Variants in CACNA1E observed in about 807,000 individuals in gnomAD.
CACNA1E encodes calcium voltage-gated channel subunit alpha1 E.
A neutral mutation model predicts 259.2 loss-of-function variants in CACNA1E; 40 were observed. The observed-to-expected ratio is 0.15, with a 90% CI of 0.12 to 0.20. The LOEUF (loss-of-function observed/expected upper bound fraction) is 0.20, where lower values mean the gene tolerates loss of function less well. Among genes scored for constraint, CACNA1E ranks in the 10% least tolerant of loss-of-function variants. CACNA1E has a pLI of 1.00. For missense variants in CACNA1E, 1,874 were observed against 3,040.1 expected (o/e 0.62, Z 9.02); for synonymous variants, 1,104 against 1,138.5 (o/e 0.97, Z 0.61).
intron 2 of CACNA1E, among the ~76,000 whole-genome samples, chr1:181,419,391 C>G (rs913621895): frequency 2.6e-5 from 4 of 152,182 alleles, no homozygotes; most frequent in African/African-American, 9.7e-5. Context: ...GAATGCTTTT[C>G]CCATTTATCA....
At chr1:181,377,688 T>C (rs1655194464) in intron 1 of CACNA1E, among the ~76,000 whole-genome samples, 1 of 152,244 alleles carries the variant, frequency 6.6e-6, no homozygotes, top group Non-Finnish European at 1.5e-5. Flanking sequence ...CAGGTACTGT[T>C]CTATGCACTT....
rs1157083997 is a variant in CACNA1E, at chr1:181,806,320, T to C, written c.*7486T>C. 6.6e-6 allele frequency: 1 copy of C among 152,182 alleles called. No homozygotes were observed. The highest frequency in any genetic ancestry group is 1.9e-4 in the East Asian group (1 of 5,186). 9.4% of individuals were successfully genotyped at this position (152,182 alleles called of 1,614,324 possible). A position where few individuals can be genotyped will look rare whatever the true frequency, so the allele number is the denominator to read the frequency against. On this transcript the variant is annotated 3_prime_UTR_variant, in exon 48 of 48. Transcript: ENST00000367573. ...CCGGTTCTAGCCTCAAATAACAACA[T>C]TGCAAGGAGGTGGACTACAGGGTCC...
At chr1:181,400,382 G>A (rs1043715839) in intron 1 of CACNA1E, among the ~76,000 whole-genome samples, 1 of 152,070 alleles carries the variant, frequency 6.6e-6, no homozygotes. Context: ...AGTTTATGTG[G>A]CCTGACGTTG....
At chr1:181,540,684 G>A (rs1171969108) in intron 3 of CACNA1E, among the ~76,000 whole-genome samples, 1 of 152,122 alleles carries the variant, frequency 6.6e-6, no homozygotes, top group Non-Finnish European at 1.5e-5. Context: ...ACACTGACAG[G>A]GATATGAACA....
chr1:181,356,341 C>T (rs935104917), intron 1 of CACNA1E, among the ~76,000 whole-genome samples: 2 of 146,976 alleles, frequency 1.4e-5, no homozygotes, highest in Non-Finnish European at 3.0e-5. Context: ...GCCTTCTATT[C>T]GTGTGTGTGT....
chr1:181,568,653 T>A (rs1011765809), intron 3 of CACNA1E, among the ~76,000 whole-genome samples: 43 of 152,176 alleles, frequency 2.8e-4, no homozygotes, highest in Non-Finnish European at 5.4e-4. Flanking sequence ...TGGAGTGCAG[T>A]GGCATGATCG....
At chr1:181,476,823 G>A (rs1193807784) in intron 2 of CACNA1E, among the ~76,000 whole-genome samples, 3 of 152,140 alleles carry the variant, frequency 2.0e-5, no homozygotes, top group Non-Finnish European at 4.4e-5. Flanking sequence ...GGGAGCTGGG[G>A]CGCTGCTGAG....
At position 181,804,944 on chromosome 1, in the gene CACNA1E, G is replaced by C. The variant is rs1156973066; in HGVS notation, c.*6110G>C. 6.8e-6 allele frequency: 1 copy of C among 148,080 alleles called. No homozygotes were observed. The highest frequency in any genetic ancestry group is 1.5e-5 in the Non-Finnish European group (1 of 67,114). 9.2% of individuals were successfully genotyped at this position (148,080 alleles called of 1,614,324 possible). ...CTAATTAAAAAAAAAAAAAACCTAG[G>C]CTTTTTTTTTTCTATCCAGAAAGTT... On this transcript the variant is annotated 3_prime_UTR_variant, in exon 48 of 48. Transcript: ENST00000367573.
chr1:181,346,041 C>G (rs1032108833), intron 1 of CACNA1E, among the ~76,000 whole-genome samples: 1 of 152,170 alleles, frequency 6.6e-6, no homozygotes, highest in Non-Finnish European at 1.5e-5. Flanking sequence ...AAGGCTGTCA[C>G]GCTCTGGCAG....
In CACNA1E at chr1:181,763,923, G is replaced by A. The variant is rs1401967172; in HGVS notation, c.4815+392G>A. Among the ~76,000 whole-genome samples, 4 of 152,144 alleles carry A rather than the reference G, an allele frequency of 2.6e-5. No homozygotes were observed. In the East Asian group the frequency reaches 7.7e-4, roughly 29 times the overall value. ...TCCTCTGCATTTTCAGGGACTTTGG[G>A]TGTTTGTTTTTATTTCACATGAAAG... On this transcript the variant is annotated intron_variant, in intron 34 of 47. Transcript: ENST00000367573.
chr1:181,506,822 T>C (rs1245630676), intron 1 of CACNA1E, among the ~76,000 whole-genome samples: 1 of 151,482 alleles, frequency 6.6e-6, no homozygotes, highest in African/African-American at 2.5e-5. Flanking sequence ...GGAGAGTGGC[T>C]GGGGCCTAGG....
chr1:181,573,825 A>G (rs1433018798), intron 3 of CACNA1E, among the ~76,000 whole-genome samples: 1 of 152,238 alleles, frequency 6.6e-6, no homozygotes, highest in Non-Finnish European at 1.5e-5. Context: ...ATACATACAC[A>G]TGTATGTTCA....
At position 181,356,597 on chromosome 1, in the gene CACNA1E, G is replaced by T. The variant is rs190741206; in HGVS notation, c.-15+38474G>T. ...GCTCTTGCCTTTGCACAGCCTGCCA[G>T]CAGGCCTTCAGGGAGAAGAGAGCCA... On this transcript the variant is annotated intron_variant, in intron 1 of 11. Coordinates refer to the CACNA1E transcript ENST00000524607. 9.3e-4 allele frequency among the ~76,000 whole-genome samples: 141 copies of T among 152,328 alleles called. 1 individual carries two copies. The East Asian group carries it at 0.023, about 25-fold the overall frequency.
chr1:181,359,555 A>G (rs949116066), intron 1 of CACNA1E, among the ~76,000 whole-genome samples: 3 of 152,078 alleles, frequency 2.0e-5, no homozygotes, highest in Non-Finnish European at 2.9e-5. Flanking sequence ...GGCCATTGTA[A>G]GCGGGTGGGC....
rs1648951935 is a variant in CACNA1E, at chr1:181,558,280, T to C, written c.513-19486T>C. Among the ~76,000 whole-genome samples the C allele has an allele frequency of 2.0e-5, 3 of 152,242 alleles. No individual in the cohort carries two copies. In the South Asian group the frequency reaches 6.2e-4, roughly 32 times the overall value. ...CTGTGTTCCTGGAGTTTGGGCTTGA[T>C]TTTCTAAGATCATATCCAACTTGAA... On this transcript the variant is annotated intron_variant, in intron 3 of 47. Transcript: ENST00000367573.
chr1:181,499,852 C>T (rs1665096912), intron 1 of CACNA1E, among the ~76,000 whole-genome samples: 1 of 152,214 alleles, frequency 6.6e-6, no homozygotes, highest in Non-Finnish European at 1.5e-5. Context: ...ACCTGACTTC[C>T]TTCTGTTTCT....
At chr1:181,424,335 GCA>G (rs1658993139) in intron 2 of CACNA1E, among the ~76,000 whole-genome samples, 1 of 152,200 alleles carries the variant, frequency 6.6e-6, no homozygotes, top group African/African-American at 2.4e-5. Flanking sequence ...GGGAACTTCA[GCA>G]CACACCCTTG....
At chr1:181,672,214 A>G (rs1648880395) in intron 7 of CACNA1E, among the ~76,000 whole-genome samples, 1 of 152,210 alleles carries the variant, frequency 6.6e-6, no homozygotes, top group African/African-American at 2.4e-5. Context: ...GAGGAGAACA[A>G]CAGACAGTGG....
intron 7 of CACNA1E, among the ~76,000 whole-genome samples, chr1:181,664,815 TGA>T (rs1648055648): frequency 6.6e-6 from 1 of 151,984 alleles, no homozygotes; most frequent in Non-Finnish European, 1.5e-5. Context: ...AGGTTGCATG[TGA>T]GAGGCAGGGT....
Sources: allele counts gnomAD v4.1 joint callset (sites outside exome capture counted in the v4.1 genomes callset), GRCh38; gene constraint gnomAD v4.1.1; transcripts MANE v1.5; gene names NCBI Gene and HGNC (gene_info 2026-07-23, HGNC 2026-07-21).